Variants in ALS2 observed in about 807,000 individuals in gnomAD.
The protein encoded by ALS2 is alsin Rho guanine nucleotide exchange factor ALS2, also known as alsin.
Under a neutral mutation model 203.4 loss-of-function variants are expected in ALS2, and 117 were observed. The ratio of observed to expected loss-of-function variants is 0.58; its 90% CI spans 0.50 to 0.67. The LOEUF (loss-of-function observed/expected upper bound fraction) is 0.67. Ranked by LOEUF, ALS2 falls within the 30% of genes least tolerant of loss-of-function variation. ALS2 has a pLI of 0.00. For missense variants in ALS2, 1,715 were observed against 1,989.4 expected (o/e 0.86, Z 2.62); for synonymous variants, 718 against 725.9 (o/e 0.99, Z 0.17).
intron 12 of ALS2, among the ~76,000 whole-genome samples, chr2:201,734,100 A>C (rs1408197340): frequency 6.6e-6 from 1 of 152,172 alleles, no homozygotes; most frequent in Non-Finnish European, 1.5e-5. Context: ...TCATTGTTAA[A>C]ATTTTATTCC....
chr2:201,754,325 G>C (rs1423780172), intron 6 of ALS2, among the ~76,000 whole-genome samples, 178 bp downstream of exon 6: 1 of 152,114 alleles, frequency 6.6e-6, no homozygotes, highest in African/African-American at 2.4e-5. Context: ...GTCCTTTACT[G>C]TTAAGAACAA....
chr2:201,757,256 CT>C, intron 5 of ALS2, 145 bp downstream of exon 5: 2 of 739,082 alleles, frequency 2.7e-6, no homozygotes, highest in Admixed American at 4.8e-5. Context: ...ATGTAACTTT[CT>C]TTTAAAACCA....
At chr2:201,745,404 C>T (rs961003689) in intron 9 of ALS2, among the ~76,000 whole-genome samples, 6 of 151,470 alleles carry the variant, frequency 4.0e-5, no homozygotes, top group African/African-American at 1.5e-4. Context: ...ACTTACTAGC[C>T]AGAAAAACAA....
intron 5 of ALS2, among the ~76,000 whole-genome samples, 165 bp from the exon 6 acceptor site, chr2:201,754,836 A>G (rs143020141): frequency 6.6e-6 from 1 of 152,346 alleles, no homozygotes; most frequent in East Asian, 1.9e-4. Flanking sequence ...GTCAAATGAA[A>G]TTGGTAAATA....
At chr2:201,752,799 T>C (rs567316355) in intron 7 of ALS2, among the ~76,000 whole-genome samples, 3 of 152,342 alleles carry the variant, frequency 2.0e-5, no homozygotes, top group South Asian at 4.1e-4. Flanking sequence ...TGTTTTACTA[T>C]GTATCTTCTT....
chr2:201,705,639 A>C (rs376841289), intron 29 of ALS2, among the ~76,000 whole-genome samples, 178 bp from the exon 30 acceptor site: 2 of 152,196 alleles, frequency 1.3e-5, no homozygotes, highest in African/African-American at 4.8e-5. Flanking sequence ...CATCTCCCTA[A>C]GGGATTTGTC....
At position 201,727,480 on chromosome 2, in the gene ALS2, T is replaced by C. The variant is rs56950049; in HGVS notation, c.2913-202A>G. On this transcript the variant is annotated intron_variant, in intron 16 of 33. Transcript: ENST00000264276. ...TGCTGAACGATGGGGATGTGTGCAA[T>C]GAAGATGCCCTTTCATCACCTAATC... is the stretch of plus-strand genomic sequence containing the variant. Among the ~76,000 whole-genome samples the C allele has an allele frequency of 0.014, 2,100 of 152,312 alleles. 45 individuals carry two copies. The highest frequency in any genetic ancestry group is 0.047 in the African/African-American group (1,974 of 41,562).
At chr2:201,719,378 C>A (rs1208861599) in intron 23 of ALS2, among the ~76,000 whole-genome samples, 1 of 152,164 alleles carries the variant, frequency 6.6e-6, no homozygotes, top group African/African-American at 2.4e-5. Flanking sequence ...ATCATGAGGT[C>A]AGGAGTTCGA....
intron 8 of ALS2, among the ~76,000 whole-genome samples, chr2:201,748,213 T>C (rs939003102): frequency 1.7e-4 from 26 of 152,186 alleles, no homozygotes; most frequent in Non-Finnish European, 3.2e-4. Flanking sequence ...GTTGTGTGTG[T>C]GTGTGTGTGT....
At chr2:201,764,903 C>T (rs909261188) in intron 3 of ALS2, among the ~76,000 whole-genome samples, 4 of 152,034 alleles carry the variant, frequency 2.6e-5, no homozygotes, top group South Asian at 2.1e-4. Flanking sequence ...ACATGAATAA[C>T]GATAGGCTAT....
intron 3 of ALS2, among the ~76,000 whole-genome samples, chr2:201,764,977 C>A (rs1181259969): frequency 6.6e-6 from 1 of 151,968 alleles, no homozygotes; most frequent in African/African-American, 2.4e-5. Context: ...TCTAAAGATA[C>A]CATGTTTATA....
chr2:201,706,280 G>A (rs1334701082), intron 29 of ALS2, among the ~76,000 whole-genome samples: 1 of 151,978 alleles, frequency 6.6e-6, no homozygotes, highest in African/African-American at 2.4e-5. Context: ...CAGCTACTTG[G>A]GAGGGTGGGG....
chr2:201,722,685 C>A (rs199566867), intron 23 of ALS2: 1 of 207,258 alleles, frequency 4.8e-6, no homozygotes, highest in East Asian at 1.3e-4. Flanking sequence ...ATGGAAAAAA[C>A]AAAAACATTA....
chr2:201,732,593 T>TA (rs1050333981), intron 13 of ALS2, among the ~76,000 whole-genome samples: 7 of 151,552 alleles, frequency 4.6e-5, no homozygotes, highest in African/African-American at 1.7e-4. Flanking sequence ...ACAACAACAA[T>TA]AAAAAAAACC....
chr2:201,733,572 T>C, intron 12 of ALS2, 134 bp from the exon 13 acceptor site: 2 of 769,946 alleles, frequency 2.6e-6, no homozygotes, highest in Non-Finnish European at 4.3e-6. Flanking sequence ...AGAAATACAA[T>C]GAAATAAGCC....
Position 201,725,284 on chromosome 2 carries a change from G to A in ALS2, c.3347+72C>T, listed in dbSNP as rs921587159. 12 of 1,263,438 alleles carry A rather than the reference G, an allele frequency of 9.5e-6. 1 individual carries two copies. The African/African-American group carries it at 1.8e-4, about 19-fold the overall frequency. 78.3% of individuals were successfully genotyped at this position (1,263,438 alleles called of 1,614,324 possible). Reference sequence around the variant, plus strand: ...CAAAACTTAAAACTTGGAAATTTTGGCTATGCAAACATTCAGGTTTACATG... The same window carrying A: ...CAAAACTTAAAACTTGGAAATTTTGACTATGCAAACATTCAGGTTTACATG... On this transcript the variant is annotated intron_variant, in intron 20 of 33. Transcript: ENST00000264276.
chr2:201,774,069 C>G (rs189809966), intron 1 of ALS2, among the ~76,000 whole-genome samples: 1 of 152,116 alleles, frequency 6.6e-6, no homozygotes, highest in East Asian at 1.9e-4. Context: ...AGTGGGTGAT[C>G]CTTTTGAAAA....
intron 14 of ALS2, 25 bp from the exon 15 acceptor site, chr2:201,728,665 C>T (rs1272140637): frequency 1.2e-6 from 2 of 1,606,280 alleles, no homozygotes; most frequent in East Asian, 2.2e-5. Flanking sequence ...AAATATAATA[C>T]AAGTCAAACA....
chr2:201,725,497 G>C, intron 19 of ALS2, 43 bp from the exon 20 acceptor site: 1 of 1,472,514 alleles, frequency 6.8e-7, no homozygotes, highest in Non-Finnish European at 9.5e-7. Context: ...ATGCATTTAT[G>C]ACATATTCAC....
Sources: gnomAD v4.1 joint callset for allele counts (sites outside exome capture counted in the v4.1 genomes callset) on GRCh38, gnomAD v4.1.1 for gene constraint, MANE v1.5 for transcripts, NCBI Gene and HGNC (gene_info 2026-07-23, HGNC 2026-07-21) for gene names.